The following CAMTA1 variants were observed in gnomAD, a reference collection of about 807,000 sequenced individuals.
CAMTA1 encodes calmodulin-binding transcription activator 1.
Under a neutral mutation model 170.9 loss-of-function variants are expected in CAMTA1, and 27 were observed. That is an observed-to-expected ratio of 0.16 (90% CI 0.12 to 0.22). CAMTA1 has a LOEUF of 0.22. Ranked by LOEUF, CAMTA1 falls within the 10% of genes least tolerant of loss-of-function variation. The probability of loss-of-function intolerance (pLI) is 1.00; values close to 1 mark genes in which losing one functional copy is unlikely to be tolerated. For missense variants in CAMTA1, 1,619 were observed against 2,217.2 expected, an observed-to-expected ratio of 0.73 and a Z score of 5.42; for synonymous variants, 833 against 891.5, an observed-to-expected ratio of 0.93 and a Z score of 1.17.
rs370760193 is a variant in CAMTA1, at chr1:7,122,548, C to T, written c.302+31177C>T. Reference sequence around the variant, plus strand: ...CAAGCAGCAGAGCAGGCAGGCACTTCGGGTGCCGTTCTGTCCACCAGCATG... The same window carrying T: ...CAAGCAGCAGAGCAGGCAGGCACTTTGGGTGCCGTTCTGTCCACCAGCATG... On this transcript the variant is annotated intron_variant, in intron 4 of 22. Transcript: ENST00000303635. Among the ~76,000 whole-genome samples, 358 of 152,236 alleles carry T rather than the reference C, an allele frequency of 2.4e-3. 2 individuals are homozygous for T. The highest frequency in any genetic ancestry group is 7.3e-3 in the African/African-American group (303 of 41,530).
Position 7,704,973 on chromosome 1 carries a change from G to GGGGGCGGGGCC in CAMTA1, c.2914+27247_2914+27257dup, listed in dbSNP as rs1464693478. The stretch of plus-strand genomic sequence containing the variant: ...CGGCCGGCGGGGGCGCGCGCGGGGC[G>GGGGGCGGGGCC]GGGGCGGGGCCGGGGCGTGGGGACA... On this transcript the variant is annotated intron_variant, in intron 11 of 22. Coordinates refer to ENST00000303635, the MANE Select transcript of CAMTA1 (RefSeq NM_015215.4). Among the ~76,000 whole-genome samples, 73 of 121,856 alleles carry GGGGGCGGGGCC rather than the reference G, an allele frequency of 6.0e-4. 1 individual carries two copies. Among genetic ancestry groups the GGGGGCGGGGCC allele is most frequent in the African/African-American group, 2.1e-3 (71 of 33,554 alleles). The allele number at this position is 121,856 out of a possible 152,430, so 79.9% of individuals were successfully genotyped here.
At chr1:7,246,482 G>T (rs1215724789) in intron 4 of CAMTA1, among the ~76,000 whole-genome samples, 2 of 151,980 alleles carry the variant, frequency 1.3e-5, no homozygotes, top group Admixed American at 1.3e-4. Flanking sequence ...TATCCTGTCT[G>T]CCTGCAATTC....
At chr1:7,415,148 T>C (rs1352334393) in intron 5 of CAMTA1, among the ~76,000 whole-genome samples, 1 of 152,100 alleles carries the variant, frequency 6.6e-6, no homozygotes, top group Admixed American at 6.6e-5. Flanking sequence ...TTCTGTTCTT[T>C]TACATTTGCT....
chr1:7,299,718 G>C lies in CAMTA1; in HGVS notation c.438+50092G>C, dbSNP rs567576361. Among the ~76,000 whole-genome samples, 4 of 152,340 alleles carry C rather than the reference G, an allele frequency of 2.6e-5. No individual in the cohort carries two copies. The highest frequency in any genetic ancestry group is 4.4e-5 in the Non-Finnish European group (3 of 68,024). On this transcript the variant is annotated intron_variant, in intron 5 of 22. Transcript: ENST00000303635. This position sits in a 1 kb window ranked among gnomAD's most constrained non-coding sequence, Gnocchi z 4.7. ...CCCTGTACAAGCAGGGACTGTGGGT[G>C]AGAGGGTACAAGGAGGTGTTCCAAC... is the stretch of plus-strand genomic sequence containing the variant.
intron 5 of CAMTA1, among the ~76,000 whole-genome samples, chr1:7,392,595 G>GC (rs142954423): frequency 1 from 151,610 of 151,614 alleles, 75,803 homozygotes; most frequent in Middle Eastern, 1. Flanking sequence ...TTAGCTGGAG[G>GC]TGGGCGCAAT....
At chr1:7,360,117 T>C (rs1557586959) in intron 5 of CAMTA1, among the ~76,000 whole-genome samples, 1 of 152,194 alleles carries the variant, frequency 6.6e-6, no homozygotes, top group Non-Finnish European at 1.5e-5. Context: ...CCCACCTTTT[T>C]ATAAGTAATC....
intron 5 of CAMTA1, among the ~76,000 whole-genome samples, chr1:7,252,229 G>A (rs77174178): frequency 6.6e-6 from 1 of 152,306 alleles, no homozygotes; most frequent in African/African-American, 2.4e-5. Context: ...ACCAGAACTG[G>A]CGATTACAGT....
rs142872577 is a variant in CAMTA1, at chr1:7,562,399, C to T, written c.511-78001C>T. ...CTGGTGGCAGCAGCAGGGCAGGCCG[C>T]GGCAGCTCAGCTAATTTAAGCTTTG... On this transcript the variant is annotated intron_variant, in intron 6 of 22. Transcript: ENST00000303635. This position sits in a 1 kb window ranked among gnomAD's most constrained non-coding sequence, Gnocchi z 4.8. Among the ~76,000 whole-genome samples the T allele has an allele frequency of 1.3e-5, 2 of 152,156 alleles. No individual in the cohort carries two copies. The highest frequency in any genetic ancestry group is 2.1e-4 in the South Asian group (1 of 4,816).
At chr1:7,159,061 TA>T (rs955605604) in intron 4 of CAMTA1, among the ~76,000 whole-genome samples, 2 of 151,840 alleles carry the variant, frequency 1.3e-5, no homozygotes, top group African/African-American at 4.9e-5. Context: ...TGTTACGTAC[TA>T]TTTTTTTTTT....
At chr1:7,357,059 T>C (rs1224909026) in intron 5 of CAMTA1, among the ~76,000 whole-genome samples, 1 of 152,142 alleles carries the variant, frequency 6.6e-6, no homozygotes, top group East Asian at 1.9e-4. Flanking sequence ...CATTCTGGCA[T>C]CTCCAGCTCC....
intron 4 of CAMTA1, among the ~76,000 whole-genome samples, chr1:7,094,952 C>T (rs754780152): frequency 6.6e-5 from 10 of 152,024 alleles, no homozygotes; most frequent in Non-Finnish European, 1.5e-4. Flanking sequence ...GAAGAGTGTC[C>T]TCTGTCTAGA....
rs141089091 is a variant in CAMTA1 at position 7,295,716 on chromosome 1, A to G, written c.438+46090A>G. ...AGATTCAAAAATGAACAGACAGAAA[A>G]TATCCACGCCCTTGTCACTTACCTG... is the stretch of plus-strand genomic sequence containing the variant. On this transcript the variant is annotated intron_variant, in intron 5 of 22. Transcript: ENST00000303635. Among the ~76,000 whole-genome samples, 810 of 152,328 alleles carry G rather than the reference A, an allele frequency of 5.3e-3. 5 individuals carry two copies. The highest frequency in any genetic ancestry group is 0.018 in the African/African-American group (762 of 41,558).
chr1:6,999,377 G>A (rs957742570), intron 3 of CAMTA1, among the ~76,000 whole-genome samples: 6 of 152,008 alleles, frequency 3.9e-5, no homozygotes, highest in Admixed American at 1.3e-4. Flanking sequence ...GAGAGGCCTC[G>A]GGGAGCATTT....
At chr1:6,972,282 G>A (rs1269798503) in intron 3 of CAMTA1, among the ~76,000 whole-genome samples, 3 of 152,154 alleles carry the variant, frequency 2.0e-5, no homozygotes, top group Non-Finnish European at 2.9e-5. Context: ...TGAAAGTCCC[G>A]TGTGTGCTCC....
intron 5 of CAMTA1, among the ~76,000 whole-genome samples, chr1:7,274,061 A>T (rs769629033): frequency 3.9e-5 from 6 of 152,202 alleles, no homozygotes; most frequent in Non-Finnish European, 7.3e-5. Flanking sequence ...AATATGAAAC[A>T]GGACAAGTAG....
intron 6 of CAMTA1, among the ~76,000 whole-genome samples, chr1:7,605,189 G>A (rs1223280547): frequency 6.6e-6 from 1 of 152,210 alleles, no homozygotes; most frequent in East Asian, 1.9e-4. Flanking sequence ...CATGATGGGG[G>A]AACCACTACT....
At chr1:7,099,896 G>A (rs184473378) in intron 4 of CAMTA1, among the ~76,000 whole-genome samples, 71 of 152,328 alleles carry the variant, frequency 4.7e-4, no homozygotes, top group African/African-American at 1.6e-3. Flanking sequence ...CCTCTCTTCT[G>A]CTGTTTCCGA....
At chr1:6,787,868 G>A (rs1231802507) in intron 1 of CAMTA1, among the ~76,000 whole-genome samples, 1 of 152,192 alleles carries the variant, frequency 6.6e-6, no homozygotes, top group Non-Finnish European at 1.5e-5. Context: ...TTTCTTTACT[G>A]CAGTGTAGGG....
intron 4 of CAMTA1, among the ~76,000 whole-genome samples, chr1:7,123,091 G>A (rs1004683932): frequency 6.6e-6 from 1 of 152,158 alleles, no homozygotes; most frequent in Non-Finnish European, 1.5e-5. Flanking sequence ...TGATGGTTGG[G>A]CACCACGTGA....
Sources: gnomAD v4.1 joint callset for allele counts (sites outside exome capture counted in the v4.1 genomes callset) on GRCh38, gnomAD v4.1.1 for gene constraint, Gnocchi (gnomAD v3.1) non-coding constraint, MANE v1.5 for transcripts, NCBI Gene and HGNC (gene_info 2026-07-23, HGNC 2026-07-21) for gene names.